FER: variants seen among roughly 807,000 people sequenced by gnomAD.
FER encodes tyrosine-protein kinase Fer.
Under a neutral mutation model 111.0 loss-of-function variants are expected in FER, and 63 were observed. The observed-to-expected ratio is 0.57, with a 90% CI of 0.46 to 0.70. The LOEUF (loss-of-function observed/expected upper bound fraction) is 0.70, where lower values mean the gene tolerates loss of function less well. Among genes scored for constraint, FER ranks in the 30% least tolerant of loss-of-function variants. The probability of loss-of-function intolerance (pLI) is 0.00; values close to 1 mark genes in which losing one functional copy is unlikely to be tolerated. For missense variants in FER, 914 were observed against 954.0 expected (o/e 0.96, Z 0.55); for synonymous variants, 327 against 313.9 (o/e 1.04, Z -0.44).
intron 2 of FER, among the ~76,000 whole-genome samples, chr5:108,769,251 A>G (rs758975816): frequency 2.6e-5 from 4 of 152,204 alleles, no homozygotes; most frequent in Non-Finnish European, 4.4e-5. Context: ...GAGACCTATT[A>G]TATGAGAAGG....
chr5:109,101,504 A>C (rs1472149999), intron 17 of FER, among the ~76,000 whole-genome samples: 1 of 151,954 alleles, frequency 6.6e-6, no homozygotes, highest in Admixed American at 6.6e-5. Flanking sequence ...GATATTTTTG[A>C]CTTAATTTCC....
chr5:109,014,588 C>T (rs1766778766), intron 13 of FER, among the ~76,000 whole-genome samples: 1 of 152,016 alleles, frequency 6.6e-6, no homozygotes, highest in African/African-American at 2.4e-5. Context: ...TCCATATGAA[C>T]TTTGAAGTAG....
chr5:108,868,757 G>A (rs980726498), intron 6 of FER, among the ~76,000 whole-genome samples: 2 of 152,170 alleles, frequency 1.3e-5, no homozygotes, highest in Non-Finnish European at 2.9e-5. Context: ...AAGTAGTGAA[G>A]TATGAGAAAA....
chr5:108,954,738 A>G lies in FER; in HGVS notation c.1339A>G (p.Met447Val), dbSNP rs532446797. ...SALGSSALSD[M>V]ISISEKPLAE... ...TTAATATTTGTTTAAGCTTTCTGAT[A>G]TGATCTCCATCAGTGAGAAGCCTTT... Residue 447 changes from methionine to valine, a missense_variant, in exon 12 of 20, where the codon ATG becomes GTG. Around this residue, in one of 3 missense-constraint regions of FER, gnomAD observed 774 missense variants for 782.6 expected, o/e 0.99. Coordinates refer to ENST00000281092, the MANE Select transcript of FER (RefSeq NM_005246.4). 5.1e-5 allele frequency: 81 copies of G among 1,573,426 alleles called. No individual in the cohort carries two copies. The South Asian group carries it at 9.5e-4, about 19-fold the overall frequency.
chr5:109,094,339 G>A (rs1747212871), intron 16 of FER, among the ~76,000 whole-genome samples: 1 of 152,066 alleles, frequency 6.6e-6, no homozygotes, highest in South Asian at 2.1e-4. Context: ...TACAGATTGA[G>A]CATCCCAAAT....
chr5:109,086,793 C>T (rs1777613332), intron 16 of FER, among the ~76,000 whole-genome samples: 1 of 151,258 alleles, frequency 6.6e-6, no homozygotes, highest in Middle Eastern at 3.4e-3. Context: ...TTTGCTAGAG[C>T]TTCCATACAA....
chr5:108,830,159 T>C (rs1332847092), intron 3 of FER, among the ~76,000 whole-genome samples: 1 of 152,158 alleles, frequency 6.6e-6, no homozygotes, highest in Non-Finnish European at 1.5e-5. Context: ...TTATAAGTCT[T>C]AGAAGGAGTT....
At chr5:108,944,975 T>G (rs933405883) in intron 10 of FER, among the ~76,000 whole-genome samples, 1 of 152,196 alleles carries the variant, frequency 6.6e-6, no homozygotes, top group Non-Finnish European at 1.5e-5. Context: ...TAGATAATTC[T>G]AATCCATTGG....
intron 3 of FER, among the ~76,000 whole-genome samples, chr5:108,831,289 C>A (rs751314535): frequency 3.6e-4 from 55 of 152,002 alleles, no homozygotes; most frequent in Non-Finnish European, 2.4e-4. Flanking sequence ...TAACATTCTA[C>A]ACATGCCATA....
At chr5:109,034,898 AACT>A (rs1217142731) in intron 13 of FER, among the ~76,000 whole-genome samples, 1 of 152,134 alleles carries the variant, frequency 6.6e-6, no homozygotes, top group Admixed American at 6.6e-5. Flanking sequence ...TAAACCCCAG[AACT>A]GCTAATCAAA....
intron 13 of FER, among the ~76,000 whole-genome samples, chr5:109,017,222 A>G (rs900348827): frequency 6.6e-6 from 1 of 152,008 alleles, no homozygotes; most frequent in Non-Finnish European, 1.5e-5. Flanking sequence ...TGCAGGGCTA[A>G]TGAGGGGCTA....
rs539940527 is a variant in FER at position 109,160,118 on chromosome 5, T to C, written c.2049-20629T>C. On this transcript the variant is annotated intron_variant, in intron 17 of 19. Transcript: ENST00000281092. ...CATTCATGCTTACTACATTCAGATG[T>C]AGTATAAGAAAAACAAGGCATCCCG... is the stretch of plus-strand genomic sequence containing the variant. 1.6e-4 allele frequency among the ~76,000 whole-genome samples: 25 copies of C among 152,288 alleles called. No individual in the cohort carries two copies. In the South Asian group the frequency reaches 4.4e-3, roughly 27 times the overall value.
chr5:109,125,820 A>G (rs752301875), intron 17 of FER, among the ~76,000 whole-genome samples: 20 of 152,208 alleles, frequency 1.3e-4, no homozygotes, highest in Non-Finnish European at 2.4e-4. Flanking sequence ...TTAGAATAAG[A>G]ACATTCCCAG....
At chr5:109,041,208 A>G (rs922000341) in intron 14 of FER, among the ~76,000 whole-genome samples, 1 of 152,166 alleles carries the variant, frequency 6.6e-6, no homozygotes, top group South Asian at 2.1e-4. Context: ...TATTAGCTTT[A>G]TAGGTGCAGA....
rs368132928 is a variant in FER, at chr5:108,899,790, A to C, written c.1236+1942A>C. Among the ~76,000 whole-genome samples, 58 of 151,808 alleles carry C rather than the reference A, an allele frequency of 3.8e-4. No homozygotes were observed. The South Asian group carries it at 0.012, about 32-fold the overall frequency. On this transcript the variant is annotated intron_variant, in intron 10 of 19. Transcript: ENST00000281092. Reference sequence around the variant, plus strand: ...CTGCACTCCAGCCTGGTGAAAGGGCAAGACTCCATCTCAAAAAAAAAAAAA... The same window carrying C: ...CTGCACTCCAGCCTGGTGAAAGGGCCAGACTCCATCTCAAAAAAAAAAAAA...
At chr5:108,871,820 G>A in intron 7 of FER, among the ~76,000 whole-genome samples, 1 of 151,342 alleles carries the variant, frequency 6.6e-6, no homozygotes, top group Middle Eastern at 3.2e-3. Flanking sequence ...TACACTTTAT[G>A]ATGCGCCAAA....
At chr5:108,783,993 C>T (rs1332653967) in intron 2 of FER, 3 of 152,318 alleles carry the variant, frequency 2.0e-5, no homozygotes, top group Non-Finnish European at 4.4e-5. Context: ...GATCCTCAGA[C>T]CTGTGAAGGC....
intron 17 of FER, among the ~76,000 whole-genome samples, chr5:109,153,741 C>T (rs774856607): frequency 9.2e-5 from 14 of 151,784 alleles, no homozygotes; most frequent in South Asian, 6.2e-4. Flanking sequence ...GAAAATGAGG[C>T]CCAGTGATGT....
intron 13 of FER, among the ~76,000 whole-genome samples, chr5:109,006,395 T>G (rs554720276): frequency 2.0e-5 from 3 of 152,316 alleles, no homozygotes; most frequent in East Asian, 1.9e-4. Flanking sequence ...CGGGAGTTCC[T>G]CTGCAAGTGT....
Sources: allele counts gnomAD v4.1 joint callset (sites outside exome capture counted in the v4.1 genomes callset), GRCh38; gene constraint gnomAD v4.1.1; regional missense constraint gnomAD v4.1.1; transcripts MANE v1.5; gene names NCBI Gene and HGNC (gene_info 2026-07-23, HGNC 2026-07-21).